MTTP: variants seen among roughly 807,000 people sequenced by gnomAD.
MTTP encodes the protein microsomal triglyceride transfer protein, also known as microsomal triglyceride transfer protein large subunit.
A neutral mutation model predicts 90.6 loss-of-function variants in MTTP; 49 were observed. The ratio of observed to expected loss-of-function variants is 0.54; its 90% CI spans 0.43 to 0.69. The LOEUF (loss-of-function observed/expected upper bound fraction) is 0.69, where lower values mean the gene tolerates loss of function less well. Ranked by LOEUF, MTTP falls within the 30% of genes least tolerant of loss-of-function variation. MTTP has a pLI of 0.00. For missense variants in MTTP, 945 were observed against 1,067.5 expected (o/e 0.89, Z 1.60); for synonymous variants, 347 against 384.2 (o/e 0.90, Z 1.13).
chr4:99,605,026 A>G (rs1560622402), intron 10 of MTTP, among the ~76,000 whole-genome samples: 1 of 152,120 alleles, frequency 6.6e-6, no homozygotes. Context: ...TCATATTATC[A>G]AGTTGATAGA....
chr4:99,611,502 G>C, intron 14 of MTTP, 49 bp downstream of exon 14: 1 of 1,603,362 alleles, frequency 6.2e-7, no homozygotes, highest in Non-Finnish European at 8.5e-7. Flanking sequence ...CAAGAAATCA[G>C]GCTGAGGTAA....
Position 99,607,626 on chromosome 4 carries a change from G to T in MTTP, c.1557+666G>T, listed in dbSNP as rs946042697. Among the ~76,000 whole-genome samples, 10 of 152,152 alleles carry T rather than the reference G, an allele frequency of 6.6e-5. No individual in the cohort carries two copies. The South Asian group carries it at 1.9e-3, about 28-fold the overall frequency. ...AAAGGTAAAGGGAAATGAAATTAAAGAAATATTTATAAATGCTTAGTATAG... is the reference window on the plus strand; with the variant it reads ...AAAGGTAAAGGGAAATGAAATTAAATAAATATTTATAAATGCTTAGTATAG... On this transcript the variant is annotated intron_variant, in intron 11 of 17. Transcript: ENST00000265517.
At position 99,608,785 on chromosome 4, in the gene MTTP, G is replaced by C; in HGVS notation, c.1577G>C (p.Arg526Thr). The C allele has an allele frequency of 6.2e-7, 1 of 1,614,070 alleles. No individual in the cohort carries two copies. The highest frequency in any genetic ancestry group is 8.5e-7 in the Non-Finnish European group (1 of 1,179,944). Residue 526 changes from arginine (R) to threonine (T), a missense_variant, in exon 12 of 18, where the codon AGA (arginine) becomes ACA (threonine). By Grantham distance (71) the Arg-to-Thr change is moderately conservative. Transcript: ENST00000265517. ...GAACAGGTGAAGAAGACCTTAAACA[G>C]AATATACCACCAAAACCGTAAAGTT... ...ITDEVKKTLN[R>T]IYHQNRKVHE... is the part of the protein sequence containing the mutation.
Position 99,589,657 on chromosome 4 carries a change from C to T in MTTP, c.408C>T (p.Tyr136=), listed in dbSNP as rs1386507030. The change falls in exon 4 of 18, where the codon TAC becomes TAT. Residue 136 remains tyrosine (Y), a synonymous_variant. Coordinates refer to ENST00000265517, the MANE Select transcript of MTTP (RefSeq NM_001386140.1). The part of the protein sequence containing the change: ...HLIHGKVKEF[Y]SYQNEAVAIE... ...CTCCCCACCAGGTCAAAGAGTTCTACTCATATCAAAATGAGGCAGTGGCCA... is the reference window on the plus strand; with the variant it reads ...CTCCCCACCAGGTCAAAGAGTTCTATTCATATCAAAATGAGGCAGTGGCCA... 1 of 1,599,344 alleles carries T rather than the reference C, an allele frequency of 6.3e-7. No individual in the cohort carries two copies. The highest frequency in any genetic ancestry group is 8.6e-7 in the Non-Finnish European group (1 of 1,167,164).
chr4:99,622,505 T>C (rs573744697), intron 17 of MTTP, among the ~76,000 whole-genome samples, 172 bp from the exon 18 acceptor site: 1 of 152,254 alleles, frequency 6.6e-6, no homozygotes, highest in South Asian at 2.1e-4. Flanking sequence ...TCTGTTGATA[T>C]AAAAAGAAAT....
intron 15 of MTTP, among the ~76,000 whole-genome samples, chr4:99,615,659 C>T (rs1236236437): frequency 6.6e-6 from 1 of 152,222 alleles, no homozygotes. Context: ...GGTAGCCCAT[C>T]ACAGCCACCA....
chr4:99,619,135 A>C (rs774823205), intron 16 of MTTP, 37 bp downstream of exon 16: 13 of 1,559,868 alleles, frequency 8.3e-6, no homozygotes, highest in Non-Finnish European at 1.1e-5. Flanking sequence ...TGAATTACAT[A>C]TAAGACTATA....
At chr4:99,589,569 G>A in intron 3 of MTTP, 74 bp from the exon 4 acceptor site, 1 of 851,784 alleles carries the variant, frequency 1.2e-6, no homozygotes, top group Non-Finnish European at 2.0e-6. Flanking sequence ...ATCTGACCTT[G>A]CCTGACACTT....
intron 2 of MTTP, among the ~76,000 whole-genome samples, chr4:99,582,601 G>A (rs1725147280): frequency 6.6e-6 from 1 of 152,172 alleles, no homozygotes; most frequent in African/African-American, 2.4e-5. Flanking sequence ...TTAGATTTAT[G>A]TGCTGAGAAG....
At chr4:99,594,570 C>CT (rs1725504292) in intron 6 of MTTP, among the ~76,000 whole-genome samples, 163 bp from the exon 7 acceptor site, 1 of 152,124 alleles carries the variant, frequency 6.6e-6, no homozygotes, top group Non-Finnish European at 1.5e-5. Context: ...AGAAAGACTT[C>CT]ATAATGAGCT....
At chr4:99,605,308 C>G (rs1725787403) in intron 10 of MTTP, among the ~76,000 whole-genome samples, 1 of 152,046 alleles carries the variant, frequency 6.6e-6, no homozygotes, top group African/African-American at 2.4e-5. Context: ...CATTTACATA[C>G]TTTTTTGCAC....
At chr4:99,594,676 A>G in intron 6 of MTTP, 57 bp from the exon 7 acceptor site, 1 of 1,594,482 alleles carries the variant, frequency 6.3e-7, no homozygotes, top group Non-Finnish European at 8.6e-7. Flanking sequence ...GGCAATTAGT[A>G]TCTTGTTCAC....
At chr4:99,578,817 G>A (rs1322804313) in intron 1 of MTTP, among the ~76,000 whole-genome samples, 2 of 152,148 alleles carry the variant, frequency 1.3e-5, no homozygotes, top group African/African-American at 4.8e-5. Flanking sequence ...TGAACTTGGG[G>A]TCAGCTTCTA....
intron 3 of MTTP, among the ~76,000 whole-genome samples, chr4:99,585,701 G>A (rs575941291): frequency 6.6e-6 from 1 of 152,158 alleles, no homozygotes; most frequent in African/African-American, 2.4e-5. Flanking sequence ...AAAGGACTCA[G>A]TACCCTCACT....
intron 8 of MTTP, among the ~76,000 whole-genome samples, chr4:99,597,638 T>A (rs1725589566): frequency 6.6e-6 from 1 of 152,204 alleles, no homozygotes; most frequent in African/African-American, 2.4e-5. Flanking sequence ...TTTGACTTCT[T>A]CAGTTGAAAA....
In MTTP at chr4:99,608,925, A is replaced by G; in HGVS notation, c.1717A>G (p.Lys573Glu). The change falls in exon 12 of 18, where the codon AAA (lysine) becomes GAA (glutamate). Residue 573 changes from lysine to glutamate, a missense_variant. Physicochemically the swap from Lys to Glu is moderately conservative, Grantham distance 56. Transcript: ENST00000265517. ...TGGGGAGCTTCCCCAAGAAATGAAT[A>G]AATACATGCTCGCCATTGTTCAAGA... Reference protein sequence around the residue: ...SIGELPQEMNKYMLAIVQDIL... With the variant: ...SIGELPQEMNEYMLAIVQDIL... 1 of 1,614,166 alleles carries G rather than the reference A, an allele frequency of 6.2e-7. No homozygotes were observed. Among genetic ancestry groups the G allele is most frequent in the South Asian group, 1.1e-5 (1 of 91,080 alleles).
chr4:99,607,416 A>G (rs1349888909), intron 11 of MTTP, among the ~76,000 whole-genome samples: 1 of 152,170 alleles, frequency 6.6e-6, no homozygotes, highest in Non-Finnish European at 1.5e-5. Flanking sequence ...ATAGCTAAGC[A>G]CCTTCCCACC....
At chr4:99,569,364 A>G (rs1428320776) in intron 1 of MTTP, among the ~76,000 whole-genome samples, 2 of 152,090 alleles carry the variant, frequency 1.3e-5, no homozygotes, top group Non-Finnish European at 2.9e-5. Flanking sequence ...CCTGGATGGG[A>G]GATTGGAAAA....
chr4:99,574,805 G>A, upstream of MTTP: 1 of 1,609,898 alleles, frequency 6.2e-7, no homozygotes, highest in Non-Finnish European at 8.5e-7. Context: ...CATGATTGTT[G>A]CAGGTTCTGA....
Sources: allele counts gnomAD v4.1 joint callset (sites outside exome capture counted in the v4.1 genomes callset), GRCh38; gene constraint gnomAD v4.1.1; transcripts MANE v1.5; gene names NCBI Gene and HGNC (gene_info 2026-07-23, HGNC 2026-07-21).